MSH3: variants seen among roughly 807,000 people sequenced by gnomAD.
MSH3 encodes the protein DNA mismatch repair protein Msh3.
MSH3 carries 106 observed loss-of-function variants against 123.3 expected under a neutral mutation model. That is an observed-to-expected ratio of 0.86 (90% confidence interval 0.73 to 1.01). The LOEUF (loss-of-function observed/expected upper bound fraction) is 1.01, where lower values mean the gene tolerates loss of function less well. MSH3 is among the 50% of genes least tolerant of loss of function. The pLI is 0.00. For missense variants in MSH3, 1,459 were observed against 1,347.6 expected (o/e 1.08, Z -1.29); for synonymous variants, 515 against 481.4 (o/e 1.07, Z -0.91).
rs1023881607 is a variant in MSH3 at position 80,675,106 on chromosome 5, G to A, written c.1151G>A (p.Gly384Asp). The change falls in exon 7 of 24, where the codon GGC (glycine) becomes GAC (aspartate). Residue 384 changes from glycine (G) to aspartate (D), a missense_variant. Transcript: ENST00000265081. ...GAAAATGTTAGGGACAAAAAAAAGG[G>A]CAACATTTTTATTGGCATTGTGGTA... ...NKENVRDKKK[G>D]NIFIGIVGVQ... 1.9e-6 allele frequency: 3 copies of A among 1,613,610 alleles called. No homozygotes were observed. The highest frequency in any genetic ancestry group is 1.3e-5 in the African/African-American group (1 of 74,852).
intron 19 of MSH3, among the ~76,000 whole-genome samples, chr5:80,811,800 G>A (rs1745014119): frequency 6.6e-6 from 1 of 150,878 alleles, no homozygotes; most frequent in Admixed American, 6.6e-5. Context: ...ATTAAAAAGA[G>A]ATTAAAGAGA....
chr5:80,784,974 T>C (rs1376371561), intron 17 of MSH3, among the ~76,000 whole-genome samples: 1 of 152,228 alleles, frequency 6.6e-6, no homozygotes, highest in Non-Finnish European at 1.5e-5. Flanking sequence ...GAAAAAGTCA[T>C]TTATGTACAA....
At chr5:80,839,879 C>G (rs1362782181) in intron 20 of MSH3, among the ~76,000 whole-genome samples, 2 of 152,124 alleles carry the variant, frequency 1.3e-5, no homozygotes, top group African/African-American at 2.4e-5. Flanking sequence ...CCTCCCAACC[C>G]CCTGCTACCC....
intron 10 of MSH3, among the ~76,000 whole-genome samples, chr5:80,735,342 C>A (rs1743484918): frequency 6.9e-6 from 1 of 145,596 alleles, no homozygotes; most frequent in African/African-American, 2.6e-5. Context: ...CAAGATCATG[C>A]CACTGCACTC....
intron 18 of MSH3, 23 bp downstream of exon 18, chr5:80,787,695 C>G: frequency 6.9e-7 from 1 of 1,440,530 alleles, no homozygotes; most frequent in Non-Finnish European, 9.8e-7. Context: ...TCATTTTCCT[C>G]TTTATCAGTG....
At chr5:80,826,650 G>A (rs957389375) in intron 20 of MSH3, among the ~76,000 whole-genome samples, 1 of 150,748 alleles carries the variant, frequency 6.6e-6, no homozygotes, top group South Asian at 2.1e-4. Flanking sequence ...CTGGGTTCAA[G>A]CGATTCTCCT....
At chr5:80,762,765 ATTTTATTTTAATT>A (rs1561469511) in intron 13 of MSH3, among the ~76,000 whole-genome samples, 1 of 141,086 alleles carries the variant, frequency 7.1e-6, no homozygotes, top group Non-Finnish European at 1.5e-5. Context: ...GTTTTATTTT[ATTTTATTTTAATT>A]TTTTATTTTA....
Position 80,799,500 on chromosome 5 carries a change from CTTTTTTTTTTTTTTTTTTT to C in MSH3, c.2655+6670_2655+6688del, listed in dbSNP as rs746348952. Among the ~76,000 whole-genome samples, 3 of 32,324 alleles carry C rather than the reference CTTTTTTTTTTTTTTTTTTT, an allele frequency of 9.3e-5. No homozygotes were observed. The Admixed American group carries it at 1.7e-3, about 18-fold the overall frequency. The allele number at this position is 32,324 out of a possible 152,430, so 21.2% of individuals were successfully genotyped here. On this transcript the variant is annotated intron_variant, in intron 19 of 23. Transcript: ENST00000265081. The stretch of plus-strand genomic sequence containing the variant: ...TTTATACCTGTCAAGGAAGATAGCA[CTTTTTTTTTTTTTTTTTTT>C]TTTTTTTTTTTTTACAGAAAATTAG...
chr5:80,841,973 C>G (rs556934635), intron 20 of MSH3, among the ~76,000 whole-genome samples: 216 of 152,218 alleles, frequency 1.4e-3, no homozygotes, highest in African/African-American at 5.0e-3. Context: ...GTCATGAAGT[C>G]CTTGCCCATG....
At chr5:80,685,342 G>A (rs1235243578) in intron 8 of MSH3, among the ~76,000 whole-genome samples, 5 of 150,820 alleles carry the variant, frequency 3.3e-5, no homozygotes, top group African/African-American at 9.7e-5. Context: ...CTTCAATCTC[G>A]TTACTTGTTA....
intron 8 of MSH3, among the ~76,000 whole-genome samples, chr5:80,680,502 CGT>C (rs1355141811): frequency 2.7e-5 from 4 of 150,782 alleles, no homozygotes; most frequent in Non-Finnish European, 5.9e-5. Flanking sequence ...ACATTATTTC[CGT>C]GTGTGTATAT....
At chr5:80,767,037 T>C (rs1481566166) in intron 13 of MSH3, among the ~76,000 whole-genome samples, 1 of 152,172 alleles carries the variant, frequency 6.6e-6, no homozygotes, top group African/African-American at 2.4e-5. Flanking sequence ...TATGTTGAAA[T>C]TATGGAGTTC....
Position 80,662,399 on chromosome 5 carries a change from G to A in MSH3, c.359-2744G>A, listed in dbSNP as rs10474633. On this transcript the variant is annotated intron_variant, in intron 2 of 23. Transcript: ENST00000265081. ...CTGTCAACACCTGTAGTAAGTTTTA[G>A]GCAGTGAGTATTTATTATTCATCTA... 6.8e-3 allele frequency among the ~76,000 whole-genome samples: 957 copies of A among 140,106 alleles called. 8 individuals are homozygous for A. Among genetic ancestry groups the A allele is most frequent in the African/African-American group, 0.025 (923 of 37,386 alleles). 91.9% of individuals were successfully genotyped at this position (140,106 alleles called of 152,430 possible).
chr5:80,654,905 G>GCCGCAGCGCCCGCAGCGCCCCCAGCGC lies in MSH3; in HGVS notation c.189_190insGCAGCGCCCCCAGCGCCCGCAGCGCCC (p.Pro63_Pro64insAlaAlaProProAlaProAlaAlaPro), dbSNP rs1554066076. On this transcript the variant is annotated inframe_insertion, in exon 1 of 24. Transcript: ENST00000265081. ...TGCAGCGGCTGCAGCGGCCGCAGCG[G>GCCGCAGCGCCCGCAGCGCCCCCAGCGC]CCGCAGCGCCCCCAGCGCCCCCAGC... 5 of 1,494,404 alleles carry GCCGCAGCGCCCGCAGCGCCCCCAGCGC rather than the reference G, an allele frequency of 3.3e-6. No individual in the cohort carries two copies. The highest frequency in any genetic ancestry group is 2.6e-5 in the East Asian group (1 of 39,134). 92.6% of individuals were successfully genotyped at this position (1,494,404 alleles called of 1,614,324 possible). A position where few individuals can be genotyped will look rare whatever the true frequency, so the allele number is the denominator to read the frequency against.
At chr5:80,734,761 GA>G (rs1237185606) in intron 10 of MSH3, among the ~76,000 whole-genome samples, 2 of 152,130 alleles carry the variant, frequency 1.3e-5, no homozygotes, top group Admixed American at 1.3e-4. Context: ...CCCTTCAGCA[GA>G]TCTCTGGAGC....
chr5:80,724,883 T>TA (rs533180339), intron 8 of MSH3, among the ~76,000 whole-genome samples: 18 of 152,158 alleles, frequency 1.2e-4, no homozygotes, highest in Non-Finnish European at 2.1e-4. Flanking sequence ...AGATATAAAA[T>TA]ACTCACAATG....
At position 80,654,696 on chromosome 5, in the gene MSH3, C is replaced by G. The variant is rs756094438; in HGVS notation, c.-32C>G. 2 of 1,570,202 alleles carry G rather than the reference C, an allele frequency of 1.3e-6. No individual in the cohort carries two copies. The highest frequency in any genetic ancestry group is 1.1e-5 in the South Asian group (1 of 88,672). ...CCGCGGGCTCGCGCTCCTCGCCAGG[C>G]CCTGCCGCCGGGCTGCCATCCTTGC... On this transcript the variant is annotated 5_prime_UTR_variant, in exon 1 of 24. Coordinates refer to ENST00000265081, the MANE Select transcript of MSH3 (RefSeq NM_002439.5).
At chr5:80,806,904 C>T (rs1362305178) in intron 19 of MSH3, among the ~76,000 whole-genome samples, 3 of 152,032 alleles carry the variant, frequency 2.0e-5, no homozygotes, top group African/African-American at 4.8e-5. Context: ...ATTATCAATA[C>T]GTTCTTGGAA....
intron 20 of MSH3, among the ~76,000 whole-genome samples, chr5:80,853,887 A>G (rs1455437296): frequency 1.3e-5 from 2 of 152,288 alleles, no homozygotes; most frequent in East Asian, 3.9e-4. Context: ...ACGTTTCCCT[A>G]CTTTTTAGGA....
Sources: allele counts gnomAD v4.1 joint callset (sites outside exome capture counted in the v4.1 genomes callset), GRCh38; gene constraint gnomAD v4.1.1; transcripts MANE v1.5; gene names NCBI Gene and HGNC (gene_info 2026-07-23, HGNC 2026-07-21).